Variants in CCPG1 observed in about 807,000 individuals in gnomAD.
CCPG1 encodes the protein cell cycle progression 1.
CCPG1 carries 46 observed loss-of-function variants against 81.3 expected under a neutral mutation model. The observed-to-expected ratio is 0.57, with a 90% confidence interval of 0.45 to 0.72. The LOEUF (loss-of-function observed/expected upper bound fraction) is 0.72, where lower values mean the gene tolerates loss of function less well. Ranked by LOEUF, CCPG1 falls within the 30% of genes least tolerant of loss-of-function variation. The pLI is 0.00. For synonymous variants in CCPG1, 330 were observed against 305.2 expected, an observed-to-expected ratio of 1.08 and a Z score of -0.85; for missense variants, 902 against 937.6, an observed-to-expected ratio of 0.96 and a Z score of 0.50.
intron 3 of CCPG1, among the ~76,000 whole-genome samples, chr15:55,384,643 G>A (rs112265611): frequency 1.7e-4 from 26 of 152,032 alleles, no homozygotes; most frequent in Admixed American, 1.6e-3. Context: ...AAACAAGAGC[G>A]AAACTCCGCC....
chr15:55,364,308 TA>T lies in CCPG1; in HGVS notation c.828+879del, dbSNP rs932435008. On this transcript the variant is annotated intron_variant, in intron 7 of 8. Coordinates refer to ENST00000442196, the MANE Select transcript of CCPG1 (RefSeq NM_001204450.2). ...TAACATGCTCTCCCTTCCATCAGAA[TA>T]AAAAAAAACAATGGAAAGGAATAGC... Among the ~76,000 whole-genome samples the T allele has an allele frequency of 2.7e-5, 4 of 148,470 alleles. 1 individual carries two copies. Among genetic ancestry groups the T allele is most frequent in the South Asian group, 4.4e-4 (2 of 4,554 alleles).
At chr15:55,367,053 A>AC (rs971538725) in intron 6 of CCPG1, among the ~76,000 whole-genome samples, 1 of 152,168 alleles carries the variant, frequency 6.6e-6, no homozygotes, top group African/African-American at 2.4e-5. Flanking sequence ...AACACCAAAA[A>AC]CAACTTTTGC....
In CCPG1 at chr15:55,380,597, T is replaced by G. The variant is rs1595845663; in HGVS notation, c.176-2221A>C. Among the ~76,000 whole-genome samples the G allele has an allele frequency of 2.0e-5, 3 of 151,924 alleles. No homozygotes were observed. In the East Asian group the frequency reaches 5.9e-4, roughly 30 times the overall value. ...GGCATGAGCTACCGCGCCCGGTCGA[T>G]CATGCATTTCTTATGTAATTTAAGT... On this transcript the variant is annotated intron_variant, in intron 3 of 8. Coordinates refer to ENST00000442196, the MANE Select transcript of CCPG1 (RefSeq NM_001204450.2).
chr15:55,362,191 A>G (rs2056215591), intron 7 of CCPG1, among the ~76,000 whole-genome samples: 1 of 152,194 alleles, frequency 6.6e-6, no homozygotes. Flanking sequence ...ACAGGTTCTT[A>G]AAGCATTATA....
chr15:55,406,445 T>TG (rs1299093862), intron 1 of CCPG1, among the ~76,000 whole-genome samples: 2 of 132,688 alleles, frequency 1.5e-5, no homozygotes, highest in Non-Finnish European at 1.7e-5. Context: ...TCTTTTTTTT[T>TG]TTTTGTTTTT....
chr15:55,392,337 G>C (rs984588706), intron 1 of CCPG1, among the ~76,000 whole-genome samples: 1 of 150,774 alleles, frequency 6.6e-6, no homozygotes, highest in Non-Finnish European at 1.5e-5. Context: ...TCAGCCTCCC[G>C]AGTAGCGGGG....
chr15:55,380,743 G>C (rs1379802418), intron 3 of CCPG1, among the ~76,000 whole-genome samples: 1 of 152,008 alleles, frequency 6.6e-6, no homozygotes, highest in Non-Finnish European at 1.5e-5. Context: ...GGCCAGGCGC[G>C]GTGACTCATG....
At position 55,395,960 on chromosome 15, in the gene CCPG1, C is replaced by G. The variant is rs996565451; in HGVS notation, c.-9-6527G>C. Among the ~76,000 whole-genome samples, 10 of 152,010 alleles carry G rather than the reference C, an allele frequency of 6.6e-5. No homozygotes were observed. The East Asian group carries it at 1.9e-3, about 29-fold the overall frequency. The stretch of plus-strand genomic sequence containing the variant: ...CAGGAGGTCAGGAGTTAAAGACCAA[C>G]CTGGCCAACATAGTGAAACCCCATC... On this transcript the variant is annotated intron_variant, in intron 1 of 8. Transcript: ENST00000442196.
intron 6 of CCPG1, among the ~76,000 whole-genome samples, chr15:55,370,998 A>T (rs1450093599): frequency 6.6e-6 from 1 of 152,010 alleles, no homozygotes; most frequent in African/African-American, 2.4e-5. Context: ...CTGTTATCCC[A>T]GTTACTCCGG....
chr15:55,407,039 C>CCACCCA (rs1555411236), intron 1 of CCPG1, among the ~76,000 whole-genome samples: 24 of 131,386 alleles, frequency 1.8e-4, no homozygotes, highest in African/African-American at 4.5e-4. Flanking sequence ...ACGTTGAGAC[C>CCACCCA]CCCCCCCCCG....
At chr15:55,399,426 A>T (rs1448048023) in intron 1 of CCPG1, among the ~76,000 whole-genome samples, 1 of 150,474 alleles carries the variant, frequency 6.6e-6, no homozygotes, top group Non-Finnish European at 1.5e-5. Flanking sequence ...ACAAAAAAAA[A>T]AAAAAAAAAA....
intron 1 of CCPG1, among the ~76,000 whole-genome samples, chr15:55,396,221 G>A (rs1254026951): frequency 6.6e-6 from 1 of 150,824 alleles, no homozygotes; most frequent in Admixed American, 6.6e-5. Flanking sequence ...CCATTAATCT[G>A]ACCATTGGTA....
chr15:55,393,314 C>T (rs991599969), intron 1 of CCPG1, among the ~76,000 whole-genome samples: 32 of 152,160 alleles, frequency 2.1e-4, no homozygotes, highest in Middle Eastern at 6.8e-3. Flanking sequence ...GTGGCCCACA[C>T]CTGTTGTCCT....
intron 7 of CCPG1, among the ~76,000 whole-genome samples, chr15:55,361,172 A>C (rs1248793152): frequency 6.9e-6 from 1 of 144,796 alleles, no homozygotes; most frequent in East Asian, 2.1e-4. Flanking sequence ...TGGTGTAAGA[A>C]TTTTTTTTTT....
intron 3 of CCPG1, 60 bp downstream of exon 3, chr15:55,385,540 A>C (rs1000393831): frequency 3.7e-6 from 3 of 810,164 alleles, no homozygotes; most frequent in Non-Finnish European, 5.8e-6. Context: ...AGAAGGCAAG[A>C]CTCATAATAT....
chr15:55,361,489 C>G (rs1406980212), intron 7 of CCPG1, among the ~76,000 whole-genome samples: 13 of 151,502 alleles, frequency 8.6e-5, no homozygotes. Flanking sequence ...GGGTGGATCA[C>G]GAGATCAAGA....
intron 1 of CCPG1, among the ~76,000 whole-genome samples, chr15:55,396,012 G>A (rs1001421797): frequency 7.2e-5 from 11 of 152,022 alleles, no homozygotes; most frequent in African/African-American, 2.7e-4. Flanking sequence ...AAATTAGTCG[G>A]GCATGCTGGC....
At position 55,356,403 on chromosome 15, in the gene CCPG1, A is replaced by G; in HGVS notation, c.2241T>C (p.Pro747=). Residue 747 remains proline (P), a synonymous_variant, in exon 9 of 9, where the codon CCT becomes CCC. Transcript: ENST00000442196. The stretch of plus-strand genomic sequence containing the variant: ...TATTTACCATACGTTGCTTTTTATC[A>G]GGTCGACTGAAAGCAGTAAACACAT... ...TFSPPYGPSR[P]DKKQRMVNIE... 6.6e-7 allele frequency: 1 copy of G among 1,525,628 alleles called. No homozygotes were observed. The allele number at this position is 1,525,628 out of a possible 1,614,324, so 94.5% of individuals were successfully genotyped here. A position where few individuals can be genotyped will look rare whatever the true frequency, so the allele number is the denominator to read the frequency against.
chr15:55,396,886 T>TA (rs1487368120), intron 1 of CCPG1, among the ~76,000 whole-genome samples: 1 of 150,936 alleles, frequency 6.6e-6, no homozygotes, highest in Non-Finnish European at 1.5e-5. Context: ...GTGGATCGCC[T>TA]AGCAGGAGAG....
Sources: allele counts gnomAD v4.1 joint callset (sites outside exome capture counted in the v4.1 genomes callset), GRCh38; gene constraint gnomAD v4.1.1; transcripts MANE v1.5; gene names NCBI Gene and HGNC (gene_info 2026-07-23, HGNC 2026-07-21).